The following TAF1 variants were observed in gnomAD, a reference collection of about 807,000 sequenced individuals.
TAF1 encodes transcription initiation factor TFIID subunit 1.
In TAF1, 2 loss-of-function variants were observed where a neutral mutation model predicts 138.5. The observed-to-expected ratio is 0.01, with a 90% CI of 0.01 to 0.05. The LOEUF is 0.05. TAF1 is among the 10% of genes least tolerant of loss of function. TAF1 has a pLI of 1.00. For synonymous variants in TAF1, 437 were observed against 503.2 expected, an observed-to-expected ratio of 0.87 and a Z score of 1.76; for missense variants, 709 against 1,478.0, an observed-to-expected ratio of 0.48 and a Z score of 8.53.
intron 33 of TAF1, 84 bp from the exon 34 acceptor site, chrX:71,454,657 A>G (rs1215571819): frequency 2.0e-5 from 15 of 768,258 alleles, no homozygotes; most frequent in Non-Finnish European, 2.5e-5. Flanking sequence ...CTCCATGAAG[A>G]TAGATATTTT....
rs369585241 is a variant in TAF1 at position 71,397,474 on chromosome X, T to G, written c.3620+8T>G. 1.5e-5 allele frequency: 18 copies of G among 1,209,021 alleles called. No individual in the cohort carries two copies. In the African/African-American group the frequency reaches 3.1e-4, roughly 21 times the overall value. On this transcript the variant is annotated splice_region_variant and intron_variant, in intron 23 of 37. Transcript: ENST00000423759. ...AAAAGATGAGGAATTCATGTGAGTT[T>G]GATTTACCACTTCCTTTTTTTTCTT...
chrX:71,430,986 G>A (rs1056676699), intron 32 of TAF1, among the ~76,000 whole-genome samples: 1 of 105,071 alleles, frequency 9.5e-6, no homozygotes, highest in African/African-American at 3.5e-5. Context: ...CTGTGTACAG[G>A]TCCAAAGCTC....
chrX:71,394,030 T>C (rs2034713846), intron 21 of TAF1, 37 bp from the exon 22 acceptor site: 3 of 1,153,582 alleles, frequency 2.6e-6, no homozygotes, highest in African/African-American at 3.6e-5. Context: ...ACCATATTTC[T>C]TTAGTTCTTT....
intron 36 of TAF1, among the ~76,000 whole-genome samples, 181 bp downstream of exon 36, chrX:71,459,889 G>A (rs776609857): frequency 2.5e-4 from 28 of 111,637 alleles, no homozygotes; most frequent in African/African-American, 9.1e-4. Flanking sequence ...TCATTAGCAG[G>A]AGGTACAAAA....
At chrX:71,410,381 C>T (rs2035708797) in intron 28 of TAF1, among the ~76,000 whole-genome samples, 2 of 107,283 alleles carry the variant, frequency 1.9e-5, no homozygotes, top group East Asian at 2.9e-4. Flanking sequence ...AACAAATCTG[C>T]ACATCCTGCA....
In TAF1 at chrX:71,389,630, A is replaced by G. The variant is rs1414125503; in HGVS notation, c.2746A>G (p.Asn916Asp). 8.3e-7 allele frequency: 1 copy of G among 1,206,851 alleles called. No homozygotes were observed. The highest frequency in any genetic ancestry group is 1.1e-6 in the Non-Finnish European group (1 of 894,224). ...EKSFFAPEEE[N>D]EEDFQMKIDD... ...ATCCTTTTTTGCTCCAGAAGAAGAA[A>G]ATGAGGAAGATTTCCAGATGAAGAT... The change falls in exon 18 of 38, where the codon AAT becomes GAT. Residue 916 changes from asparagine (N) to aspartate (D), a missense_variant. Coordinates refer to ENST00000423759, the MANE Select transcript of TAF1 (RefSeq NM_004606.5).
intron 13 of TAF1, among the ~76,000 whole-genome samples, chrX:71,508,086 C>CTCTCTCTCTCTCTCTATATATATA (rs4040068): frequency 2.2e-4 from 20 of 92,187 alleles, no homozygotes; most frequent in South Asian, 4.9e-4. Flanking sequence ...CTCTCTCTCT[C>CTCTCTCTCTCTCTCTATATATATA]TATATATATA....
intron 13 of TAF1, among the ~76,000 whole-genome samples, chrX:71,471,318 T>TAA (rs1210578907): frequency 0.01 from 871 of 84,713 alleles, 9 homozygotes; most frequent in African/African-American, 0.036. Flanking sequence ...AGACTCCGTC[T>TAA]AAAAAAAAAA....
intron 28 of TAF1, among the ~76,000 whole-genome samples, chrX:71,410,725 G>T (rs2035740230): frequency 9.1e-6 from 1 of 110,152 alleles, no homozygotes; most frequent in African/African-American, 3.3e-5. Flanking sequence ...CCAAAGTGCT[G>T]GGATTACAGG....
intron 28 of TAF1, chrX:71,420,465 A>G: frequency 8.3e-7 from 1 of 1,208,528 alleles, no homozygotes; most frequent in Non-Finnish European, 1.1e-6. Flanking sequence ...ACCATAGTCA[A>G]CATTGCCAAC....
At chrX:71,483,963 A>T (rs1254969442) in intron 13 of TAF1, among the ~76,000 whole-genome samples, 1 of 110,168 alleles carries the variant, frequency 9.1e-6, no homozygotes, top group Non-Finnish European at 1.9e-5. Flanking sequence ...CACAACCAGG[A>T]TATTGACATT....
At chrX:71,377,342 T>G (rs926026866) in intron 5 of TAF1, 151 bp downstream of exon 5, 3 of 918,977 alleles carry the variant, frequency 3.3e-6, no homozygotes, top group Non-Finnish European at 4.4e-6. Flanking sequence ...TATTAGGTCT[T>G]TTTTTTAAAG....
chrX:71,488,243 T>C (rs1377999000), intron 13 of TAF1, among the ~76,000 whole-genome samples: 4 of 95,381 alleles, frequency 4.2e-5, no homozygotes, highest in African/African-American at 8.4e-5. Context: ...TGGTTTCTTT[T>C]TTTTTTTTTT....
chrX:71,396,269 T>C (rs1242996509), intron 22 of TAF1, among the ~76,000 whole-genome samples: 1 of 107,048 alleles, frequency 9.3e-6, no homozygotes, highest in Non-Finnish European at 1.9e-5. Flanking sequence ...AGTGCCATTT[T>C]CCCCCCCGAG....
intron 13 of TAF1, among the ~76,000 whole-genome samples, chrX:71,493,350 C>T (rs956441200): frequency 2.7e-5 from 3 of 112,228 alleles, no homozygotes; most frequent in Non-Finnish European, 5.6e-5. Flanking sequence ...ATTGGCATGT[C>T]TCCAAGCAAA....
At chrX:71,477,209 G>A (rs1336299925) in intron 13 of TAF1, among the ~76,000 whole-genome samples, 1 of 111,198 alleles carries the variant, frequency 9.0e-6, no homozygotes, top group Non-Finnish European at 1.9e-5. Flanking sequence ...AAAGTGCTGG[G>A]ATTACAGGCA....
At chrX:71,511,321 G>T in intron 13 of TAF1, among the ~76,000 whole-genome samples, 1 of 111,934 alleles carries the variant, frequency 8.9e-6, no homozygotes. Context: ...CCAGGGCTAG[G>T]TCCCTAGGGG....
downstream of TAF1, among the ~76,000 whole-genome samples, chrX:71,470,787 T>G (rs181612152): frequency 3.5e-3 from 355 of 102,813 alleles, 5 homozygotes; most frequent in Admixed American, 0.033. Flanking sequence ...AGGCCAGGAG[T>G]TAGAGATCAG....
downstream of TAF1, among the ~76,000 whole-genome samples, chrX:71,469,908 T>C (rs2038849984): frequency 9.0e-6 from 1 of 111,064 alleles, no homozygotes. Context: ...TCCATGTTGG[T>C]CAGGCTGGTC....
Sources: gnomAD v4.1 joint callset for allele counts (sites outside exome capture counted in the v4.1 genomes callset) on GRCh38, gnomAD v4.1.1 for gene constraint, MANE v1.5 for transcripts, NCBI Gene and HGNC (gene_info 2026-07-23, HGNC 2026-07-21) for gene names.